Variants in ASTN2 observed in about 807,000 individuals in gnomAD.
ASTN2 encodes astrotactin 2.
ASTN2 carries 54 observed loss-of-function variants against 139.8 expected under a neutral mutation model. The observed-to-expected ratio is 0.39, with a 90% CI of 0.31 to 0.48. The LOEUF is 0.48. Ranked by LOEUF, ASTN2 falls within the 20% of genes least tolerant of loss-of-function variation. ASTN2 has a pLI of 0.95. For missense variants in ASTN2, 1,565 were observed against 1,725.1 expected, an observed-to-expected ratio of 0.91 and a Z score of 1.64; for synonymous variants, 756 against 719.5, an observed-to-expected ratio of 1.05 and a Z score of -0.81.
chr9:116,442,896 A>C (rs1002715176), intron 20 of ASTN2, among the ~76,000 whole-genome samples: 2 of 152,168 alleles, frequency 1.3e-5, no homozygotes, highest in Non-Finnish European at 2.9e-5. Flanking sequence ...GCTATCCTTT[A>C]TGGCTGGATA....
chr9:117,192,090 G>C (rs1394844129), intron 3 of ASTN2, among the ~76,000 whole-genome samples: 1 of 94,438 alleles, frequency 1.1e-5, no homozygotes, highest in African/African-American at 4.0e-5. Flanking sequence ...ACAAATCTCT[G>C]TCTATATCTT....
intron 10 of ASTN2, among the ~76,000 whole-genome samples, chr9:116,937,570 G>T (rs1231245006): frequency 1.3e-5 from 2 of 152,108 alleles, no homozygotes; most frequent in Non-Finnish European, 2.9e-5. Context: ...TAATGAGTAG[G>T]CCTTCCATAA....
intron 4 of ASTN2, among the ~76,000 whole-genome samples, chr9:117,133,557 C>A (rs1486405887): frequency 6.6e-6 from 1 of 152,128 alleles, no homozygotes; most frequent in Non-Finnish European, 1.5e-5. Context: ...TGAGGATCTG[C>A]TATTTGTCAG....
At chr9:116,597,378 G>A (rs1379033007) in intron 19 of ASTN2, among the ~76,000 whole-genome samples, 1 of 141,270 alleles carries the variant, frequency 7.1e-6, no homozygotes, top group African/African-American at 2.6e-5. Flanking sequence ...TGCGATCTTG[G>A]CTCGCTTCAA....
rs1588091002 is a variant in ASTN2, at chr9:116,618,188, G to A, written c.3355+136C>T. The stretch of plus-strand genomic sequence containing the variant: ...ACAAAACAGCACACAAGGATGGACA[G>A]CGAAAAATCACTAAACAATGAAATC... On this transcript the variant is annotated intron_variant, in intron 19 of 22. Transcript: ENST00000313400. The A allele has an allele frequency of 5.2e-6, 5 of 954,782 alleles. No homozygotes were observed. In the East Asian group the frequency reaches 8.1e-5, roughly 15 times the overall value. The allele number at this position is 954,782 out of a possible 1,614,324, so 59.1% of individuals were successfully genotyped here.
chr9:116,655,999 A>T (rs1279173784), intron 16 of ASTN2, among the ~76,000 whole-genome samples: 1 of 152,140 alleles, frequency 6.6e-6, no homozygotes, highest in Admixed American at 6.6e-5. Context: ...AAGTGCTGGC[A>T]TTATAGACAT....
chr9:117,225,510 C>T (rs1349711361), intron 2 of ASTN2, among the ~76,000 whole-genome samples: 17 of 115,074 alleles, frequency 1.5e-4, no homozygotes, highest in African/African-American at 5.1e-4. Context: ...GTTAGGAGTT[C>T]AAGACCAGCC....
Position 116,698,753 on chromosome 9 carries a change from G to A in ASTN2, c.2806+27018C>T. Reference sequence around the variant, plus strand: ...CGGAGGAAGTGGTTGCCAGCCCTAGGGCCTCACCTGCTAAACAGCGGGGTC... The same window carrying A: ...CGGAGGAAGTGGTTGCCAGCCCTAGAGCCTCACCTGCTAAACAGCGGGGTC... On this transcript the variant is annotated intron_variant, in intron 16 of 22. Coordinates refer to ENST00000313400, the MANE Select transcript of ASTN2 (RefSeq NM_001365068.1). The surrounding 1 kb of genome is among the most constrained non-coding windows in gnomAD (Gnocchi z 4.4). 1 of 1,614,124 alleles carries A rather than the reference G, an allele frequency of 6.2e-7. No individual in the cohort carries two copies. The highest frequency in any genetic ancestry group is 8.5e-7 in the Non-Finnish European group (1 of 1,180,024).
intron 7 of ASTN2, among the ~76,000 whole-genome samples, chr9:116,993,647 A>T (rs1368508713): frequency 6.7e-6 from 1 of 148,452 alleles, no homozygotes; most frequent in Non-Finnish European, 1.5e-5. Context: ...AAATATATAA[A>T]TTACTATATT....
intron 1 of ASTN2, among the ~76,000 whole-genome samples, chr9:117,372,548 T>G (rs1830016877): frequency 6.6e-6 from 1 of 152,192 alleles, no homozygotes; most frequent in African/African-American, 2.4e-5. Context: ...TGAGCCTCAG[T>G]TTCCTTTCAT....
intron 10 of ASTN2, among the ~76,000 whole-genome samples, chr9:116,949,657 T>C (rs1328892624): frequency 6.6e-6 from 1 of 152,196 alleles, no homozygotes; most frequent in Non-Finnish European, 1.5e-5. Flanking sequence ...TAGAATTTAA[T>C]GTCCAAGTAG....
At chr9:116,642,433 G>A (rs114224101) in intron 17 of ASTN2, among the ~76,000 whole-genome samples, 3,589 of 152,100 alleles carry the variant, frequency 0.024, 137 homozygotes, top group African/African-American at 0.082. Flanking sequence ...TTGCTCCTCA[G>A]GGTATCCCAA....
At position 116,887,671 on chromosome 9, in the gene ASTN2, T is replaced by C. The variant is rs147523943; in HGVS notation, c.1890-23938A>G. Among the ~76,000 whole-genome samples the C allele has an allele frequency of 4.8e-4, 73 of 152,206 alleles. No individual in the cohort carries two copies. The East Asian group carries it at 0.012, about 25-fold the overall frequency. On this transcript the variant is annotated intron_variant, in intron 10 of 22. Coordinates refer to ENST00000313400, the MANE Select transcript of ASTN2 (RefSeq NM_001365068.1). ...GATGTAATTTACTTTGTATTGTTGTTGTTTCGATTTTTTTGAGACAGGGTC... is the reference window on the plus strand; with the variant it reads ...GATGTAATTTACTTTGTATTGTTGTCGTTTCGATTTTTTTGAGACAGGGTC...
chr9:116,734,533 T>G (rs1322106633), intron 13 of ASTN2, among the ~76,000 whole-genome samples: 1 of 150,460 alleles, frequency 6.6e-6, no homozygotes, highest in Non-Finnish European at 1.5e-5. Flanking sequence ...TATTCAGAAA[T>G]TCCCAGCATT....
chr9:116,983,498 A>C (rs371561425), intron 7 of ASTN2, among the ~76,000 whole-genome samples: 1 of 152,176 alleles, frequency 6.6e-6, no homozygotes. Flanking sequence ...GCTTGCTTAC[A>C]CCACCACAAA....
At chr9:116,676,641 T>C (rs573073355) in intron 16 of ASTN2, among the ~76,000 whole-genome samples, 1 of 152,246 alleles carries the variant, frequency 6.6e-6, no homozygotes, top group Non-Finnish European at 1.5e-5. Flanking sequence ...AAAATTTTTT[T>C]TGAGCAGTTA....
Position 116,970,840 on chromosome 9 carries a change from G to A in ASTN2, c.1889+4368C>T, listed in dbSNP as rs138238929. 2.2e-4 allele frequency among the ~76,000 whole-genome samples: 33 copies of A among 152,244 alleles called. No homozygotes were observed. In the East Asian group the frequency reaches 2.5e-3, roughly 12 times the overall value. On this transcript the variant is annotated intron_variant, in intron 10 of 22. Coordinates refer to ENST00000313400, the MANE Select transcript of ASTN2 (RefSeq NM_001365068.1). ...GAGATCACAGAAAAATGACTGAGGC[G>A]CTCCAAAAGCTGAGCTTTGTGGGTG... is the stretch of plus-strand genomic sequence containing the variant.
At chr9:117,161,630 G>A (rs912646429) in intron 3 of ASTN2, among the ~76,000 whole-genome samples, 2 of 152,072 alleles carry the variant, frequency 1.3e-5, no homozygotes, top group Non-Finnish European at 2.9e-5. Flanking sequence ...CTGACTTCAA[G>A]TGATCTGCCC....
chr9:116,759,802 T>C (rs960145548), intron 13 of ASTN2, among the ~76,000 whole-genome samples: 1 of 152,162 alleles, frequency 6.6e-6, no homozygotes, highest in South Asian at 2.1e-4. Flanking sequence ...GTTATTTCCA[T>C]GAGGGCAAGG....
Sources: gnomAD v4.1 joint callset for allele counts (sites outside exome capture counted in the v4.1 genomes callset) on GRCh38, gnomAD v4.1.1 for gene constraint, Gnocchi (gnomAD v3.1) non-coding constraint, MANE v1.5 for transcripts, NCBI Gene and HGNC (gene_info 2026-07-23, HGNC 2026-07-21) for gene names.